Variants in CACNA2D1 observed in about 807,000 individuals in gnomAD.
The protein encoded by CACNA2D1 is voltage-dependent calcium channel subunit alpha-2/delta-1.
Under a neutral mutation model 171.5 loss-of-function variants are expected in CACNA2D1, and 53 were observed. The observed-to-expected ratio is 0.31, with a 90% CI of 0.25 to 0.39. The LOEUF (loss-of-function observed/expected upper bound fraction) is 0.39. CACNA2D1 is among the 10% of genes least tolerant of loss of function. The pLI is 1.00. For missense variants in CACNA2D1, 903 were observed against 1,299.8 expected (o/e 0.69, Z 4.69); for synonymous variants, 442 against 443.1 (o/e 1.00, Z 0.03).
chr7:82,149,320 A>G (rs1352206553), intron 4 of CACNA2D1, among the ~76,000 whole-genome samples: 1 of 152,162 alleles, frequency 6.6e-6, no homozygotes, highest in Non-Finnish European at 1.5e-5. Flanking sequence ...GTTACCTAGA[A>G]ATAGACACTG....
intron 4 of CACNA2D1, among the ~76,000 whole-genome samples, chr7:82,143,219 A>G (rs258725): frequency 6.6e-6 from 1 of 152,158 alleles, no homozygotes; most frequent in Non-Finnish European, 1.5e-5. Context: ...TGGACACAAG[A>G]CCATCTAGAG....
intron 20 of CACNA2D1, among the ~76,000 whole-genome samples, chr7:81,992,712 G>A (rs772602774): frequency 3.3e-5 from 5 of 152,000 alleles, no homozygotes; most frequent in Non-Finnish European, 5.9e-5. Context: ...ATAATCAAAC[G>A]GACAATTTTA....
intron 20 of CACNA2D1, among the ~76,000 whole-genome samples, chr7:81,993,785 A>G (rs760398304): frequency 3.3e-5 from 5 of 152,150 alleles, no homozygotes; most frequent in Non-Finnish European, 7.4e-5. Context: ...CTAAGACAGG[A>G]AAATATAGTC....
chr7:82,005,870 A>G, intron 16 of CACNA2D1, 31 bp from the exon 17 acceptor site: 1 of 1,298,148 alleles, frequency 7.7e-7, no homozygotes. Context: ...ATGGCATTTT[A>G]TGTCAAAAAT....
intron 1 of CACNA2D1, among the ~76,000 whole-genome samples, chr7:82,430,214 C>T (rs1396937330): frequency 6.6e-6 from 1 of 151,984 alleles, no homozygotes; most frequent in Non-Finnish European, 1.5e-5. Context: ...GTCAGGAGCC[C>T]GAGACCAGCC....
rs1341944383 is a variant in CACNA2D1 at position 82,349,634 on chromosome 7, C to G, written c.111G>C (p.Val37=). The change falls in exon 2 of 39, where the codon GTG becomes GTC. Residue 37 remains valine, a synonymous_variant. Transcript: ENST00000356860. ...FPSAVTIKSW[V]DKMQEDLVTL... ...TGACAAGGTCTTCTTGCATCTTATC[C>G]ACCCATGATTTGATACTGCAGAAAT... 2 of 1,613,380 alleles carry G rather than the reference C, an allele frequency of 1.2e-6. No individual in the cohort carries two copies. The highest frequency in any genetic ancestry group is 3.3e-5 in the Admixed American group (2 of 60,000).
chr7:82,072,225 T>C (rs1288440440), intron 7 of CACNA2D1, among the ~76,000 whole-genome samples: 1 of 152,062 alleles, frequency 6.6e-6, no homozygotes, highest in Non-Finnish European at 1.5e-5. Flanking sequence ...TGGAGTACAA[T>C]TGGAATGTTC....
intron 1 of CACNA2D1, among the ~76,000 whole-genome samples, chr7:82,358,000 T>G (rs1284452735): frequency 6.6e-6 from 1 of 152,140 alleles, no homozygotes; most frequent in Non-Finnish European, 1.5e-5. Context: ...AATCGTTTAT[T>G]TTTAACCGAA....
At chr7:82,435,624 C>G (rs899139170) in intron 1 of CACNA2D1, among the ~76,000 whole-genome samples, 1 of 152,160 alleles carries the variant, frequency 6.6e-6, no homozygotes, top group Non-Finnish European at 1.5e-5. Context: ...TTTGAAACCT[C>G]GGGCATCATC....
intron 10 of CACNA2D1, among the ~76,000 whole-genome samples, chr7:82,055,938 A>ATATATATATATATATATATATATC (rs1805818215): frequency 7.3e-6 from 1 of 137,606 alleles, no homozygotes; most frequent in African/African-American, 2.7e-5. Flanking sequence ...GTGTATATAT[A>ATATATATATATATATATATATATC]TATATATATA....
chr7:82,270,259 G>T lies in CACNA2D1; in HGVS notation c.294+64876C>A, dbSNP rs537422374. 7.2e-5 allele frequency among the ~76,000 whole-genome samples: 11 copies of T among 152,142 alleles called. No individual in the cohort carries two copies. In the South Asian group the frequency reaches 2.1e-3, roughly 29 times the overall value. On this transcript the variant is annotated intron_variant, in intron 3 of 38. Coordinates refer to ENST00000356860, the MANE Select transcript of CACNA2D1 (RefSeq NM_000722.4). ...ATTGGCTATTCCCCAAACCCAAAAG[G>T]TAGCTATTGTCATGACTTCTATTAC...
chr7:82,148,183 C>T (rs1793366354), intron 4 of CACNA2D1, among the ~76,000 whole-genome samples: 2 of 151,976 alleles, frequency 1.3e-5, no homozygotes, highest in African/African-American at 2.4e-5. Flanking sequence ...CTGTTCAGCT[C>T]GGATAGTGCA....
At chr7:82,368,478 T>TA (rs1821997492) in intron 1 of CACNA2D1, among the ~76,000 whole-genome samples, 1 of 152,172 alleles carries the variant, frequency 6.6e-6, no homozygotes, top group South Asian at 2.1e-4. Flanking sequence ...GAAAGGAAAA[T>TA]AGAGTATCTG....
chr7:82,100,716 C>T (rs552088005), intron 6 of CACNA2D1, among the ~76,000 whole-genome samples: 2 of 152,098 alleles, frequency 1.3e-5, no homozygotes, highest in Admixed American at 6.5e-5. Flanking sequence ...CCAAGTAAAA[C>T]AGAGATTTAG....
chr7:82,178,511 T>G (rs1050536370), intron 3 of CACNA2D1, among the ~76,000 whole-genome samples: 2 of 152,122 alleles, frequency 1.3e-5, no homozygotes, highest in African/African-American at 4.8e-5. Flanking sequence ...TGAACACACC[T>G]GGACCCCATG....
At chr7:82,084,952 T>C (rs748848817) in intron 6 of CACNA2D1, 52 bp from the exon 7 acceptor site, 1 of 1,339,358 alleles carries the variant, frequency 7.5e-7, no homozygotes, top group East Asian at 2.3e-5. Context: ...AATTAAAAAC[T>C]GAATGTCTTC....
intron 12 of CACNA2D1, among the ~76,000 whole-genome samples, chr7:82,030,850 G>T (rs1802604147): frequency 1.3e-5 from 2 of 151,790 alleles, no homozygotes; most frequent in African/African-American, 4.8e-5. Context: ...TATATTAATA[G>T]AATTGAATTT....
intron 5 of CACNA2D1, among the ~76,000 whole-genome samples, chr7:82,125,207 T>C (rs987312807): frequency 6.6e-6 from 1 of 152,168 alleles, no homozygotes; most frequent in Admixed American, 6.6e-5. Context: ...ATCAATAAAA[T>C]AAAAAGGAGC....
At chr7:82,030,275 G>C (rs1307005829) in intron 12 of CACNA2D1, among the ~76,000 whole-genome samples, 1 of 151,522 alleles carries the variant, frequency 6.6e-6, no homozygotes, top group African/African-American at 2.4e-5. Flanking sequence ...TGTGAAAATA[G>C]TGGATGGAAT....
Sources: gnomAD v4.1 joint callset for allele counts (sites outside exome capture counted in the v4.1 genomes callset) on GRCh38, gnomAD v4.1.1 for gene constraint, MANE v1.5 for transcripts, NCBI Gene and HGNC (gene_info 2026-07-23, HGNC 2026-07-21) for gene names.